Variants in PRORP observed in about 807,000 individuals in gnomAD.
PRORP encodes the protein protein only RNase P catalytic subunit.
PRORP carries 51 observed loss-of-function variants against 59.4 expected under a neutral mutation model. That is an observed-to-expected ratio of 0.86 (90% CI 0.69 to 1.08). PRORP has a LOEUF of 1.08. Ranked by LOEUF, PRORP falls within the 50% of genes least tolerant of loss-of-function variation. The probability of loss-of-function intolerance (pLI) is 0.00; values close to 1 mark genes in which losing one functional copy is unlikely to be tolerated. For synonymous variants in PRORP, 231 were observed against 245.6 expected (o/e 0.94, Z 0.55); for missense variants, 646 against 690.3 (o/e 0.94, Z 0.72).
rs923716494 is a variant in PRORP, at chr14:35,145,581, A to G, written c.1167+17970A>G. 1.2e-4 allele frequency among the ~76,000 whole-genome samples: 17 copies of G among 140,798 alleles called. 2 individuals carry two copies. Among genetic ancestry groups the G allele is most frequent in the African/African-American group, 4.2e-4 (17 of 40,554 alleles). The allele number at this position is 140,798 out of a possible 152,430, so 92.4% of individuals were successfully genotyped here. Reference sequence around the variant, plus strand: ...CTAAAAATACAAAAATTAGCTGGGCATGGTGGCATGCGTCTGTAGTCCCAG... The same window carrying G: ...CTAAAAATACAAAAATTAGCTGGGCGTGGTGGCATGCGTCTGTAGTCCCAG... On this transcript the variant is annotated intron_variant, in intron 4 of 7. Coordinates refer to ENST00000534898, the MANE Select transcript of PRORP (RefSeq NM_014672.4).
At chr14:35,122,083 T>C, upstream of PRORP, 2 of 998,398 alleles carry the variant, frequency 2.0e-6, no homozygotes, top group Non-Finnish European at 3.1e-6. Flanking sequence ...ACCATCTTGA[T>C]CGAGGGCGGA....
intron 5 of PRORP, among the ~76,000 whole-genome samples, chr14:35,210,879 T>C (rs1188624282): frequency 1.4e-5 from 2 of 142,438 alleles, no homozygotes; most frequent in African/African-American, 5.1e-5. Flanking sequence ...TCCTCCCACC[T>C]CAGCCTCCCA....
intron 4 of PRORP, among the ~76,000 whole-genome samples, chr14:35,145,763 G>T: frequency 7.3e-6 from 1 of 137,876 alleles, no homozygotes. Context: ...GAAGGAAACA[G>T]CCCACCATGA....
intron 5 of PRORP, chr14:35,262,788 C>T: frequency 7.7e-7 from 1 of 1,292,456 alleles, no homozygotes; most frequent in East Asian, 2.3e-5. Context: ...GAATGGGTCT[C>T]TTGTTGAAAT....
chr14:35,256,339 T>A (rs2050758157), intron 5 of PRORP, among the ~76,000 whole-genome samples: 1 of 134,340 alleles, frequency 7.4e-6, no homozygotes, highest in Non-Finnish European at 1.6e-5. Flanking sequence ...TTTTTTTTTT[T>A]TTTTTTTTTT....
At chr14:35,133,554 G>A (rs955038773) in intron 4 of PRORP, among the ~76,000 whole-genome samples, 1 of 152,062 alleles carries the variant, frequency 6.6e-6, no homozygotes, top group African/African-American at 2.4e-5. Context: ...TTTCCTGGAT[G>A]GTCTTGATAC....
chr14:35,192,940 C>T (rs558241203), intron 5 of PRORP, among the ~76,000 whole-genome samples: 157 of 151,250 alleles, frequency 1.0e-3, no homozygotes, highest in Middle Eastern at 6.8e-3. Flanking sequence ...GTTGAGTGAG[C>T]CTAGATTGTG....
intron 5 of PRORP, among the ~76,000 whole-genome samples, chr14:35,259,402 G>A (rs547420251): frequency 6.6e-6 from 1 of 151,746 alleles, no homozygotes; most frequent in African/African-American, 2.4e-5. Context: ...AATCCATTCT[G>A]CCAGCCTCTG....
At chr14:35,243,067 A>G (rs146384080) in intron 5 of PRORP, among the ~76,000 whole-genome samples, 31 of 152,294 alleles carry the variant, frequency 2.0e-4, no homozygotes, top group African/African-American at 7.5e-4. Context: ...TGTCTTGTTT[A>G]TCCTATGGCT....
chr14:35,173,192 T>C (rs1304119001), intron 4 of PRORP, among the ~76,000 whole-genome samples: 1 of 152,164 alleles, frequency 6.6e-6, no homozygotes, highest in African/African-American at 2.4e-5. Context: ...TTGAATCCCT[T>C]TTTTCTTGAC....
At chr14:35,177,966 A>G (rs2048497141) in intron 4 of PRORP, among the ~76,000 whole-genome samples, 1 of 152,206 alleles carries the variant, frequency 6.6e-6, no homozygotes, top group Non-Finnish European at 1.5e-5. Context: ...ATTGGTTTCA[A>G]AGAACATCTT....
At chr14:35,262,723 A>G in intron 5 of PRORP, 2 of 874,978 alleles carry the variant, frequency 2.3e-6, no homozygotes, top group Admixed American at 1.7e-5. Flanking sequence ...CTGGGCTTCC[A>G]TTACAGGATG....
At chr14:35,263,813 G>A (rs192283536) in intron 5 of PRORP, among the ~76,000 whole-genome samples, 2 of 152,324 alleles carry the variant, frequency 1.3e-5, no homozygotes, top group East Asian at 3.9e-4. Context: ...ATAACTGCTT[G>A]AGCACAGAAA....
intron 5 of PRORP, among the ~76,000 whole-genome samples, chr14:35,201,126 C>G (rs2049136795): frequency 6.6e-6 from 1 of 152,144 alleles, no homozygotes. Flanking sequence ...AGGAAGACCA[C>G]AGAGGCAAAA....
At chr14:35,147,339 A>T (rs1000245229) in intron 4 of PRORP, among the ~76,000 whole-genome samples, 2 of 152,056 alleles carry the variant, frequency 1.3e-5, no homozygotes. Context: ...TGGGATAGCT[A>T]TGACAATTTC....
intron 5 of PRORP, chr14:35,262,488 C>T (rs2050930151): frequency 1.5e-5 from 8 of 524,952 alleles, no homozygotes; most frequent in South Asian, 1.3e-4. Flanking sequence ...ACCAGACTGT[C>T]AACATTCCAG....
At chr14:35,162,945 A>G (rs1043350075) in intron 4 of PRORP, among the ~76,000 whole-genome samples, 5 of 152,170 alleles carry the variant, frequency 3.3e-5, no homozygotes, top group African/African-American at 4.8e-5. Context: ...AATTCTTCAT[A>G]TAAATATTTA....
At chr14:35,147,204 AT>A (rs1263843100) in intron 4 of PRORP, among the ~76,000 whole-genome samples, 2 of 152,300 alleles carry the variant, frequency 1.3e-5, no homozygotes, top group Admixed American at 1.3e-4. Flanking sequence ...AAAATACCTT[AT>A]TGCTAAAAAA....
At chr14:35,174,186 A>C (rs879417415) in intron 4 of PRORP, among the ~76,000 whole-genome samples, 1 of 148,550 alleles carries the variant, frequency 6.7e-6, no homozygotes, top group African/African-American at 2.5e-5. Context: ...GGGAGTGTCA[A>C]CTAATTTTCA....
Sources: gnomAD v4.1 joint callset for allele counts (sites outside exome capture counted in the v4.1 genomes callset) on GRCh38, gnomAD v4.1.1 for gene constraint, MANE v1.5 for transcripts, NCBI Gene and HGNC (gene_info 2026-07-23, HGNC 2026-07-21) for gene names.